The following TBL1X variants were observed in gnomAD, a reference collection of about 807,000 sequenced individuals.
TBL1X encodes transducin beta like 1 X-linked, also known as F-box-like/WD repeat-containing protein TBL1X.
Under a neutral mutation model 50.7 loss-of-function variants are expected in TBL1X, and 10 were observed. That is an observed-to-expected ratio of 0.20 (90% CI 0.12 to 0.33). TBL1X has a LOEUF of 0.33. Ranked by LOEUF, TBL1X falls within the 10% of genes least tolerant of loss-of-function variation. The pLI, the probability that TBL1X is intolerant of heterozygous loss-of-function variation, is 1.00. For missense variants in TBL1X, 340 were observed against 504.4 expected (o/e 0.67, Z 3.12); for synonymous variants, 190 against 214.7 (o/e 0.88, Z 1.01).
chrX:9,515,222 TTTCTC>T (rs2082076085), intron 2 of TBL1X, among the ~76,000 whole-genome samples: 1 of 111,763 alleles, frequency 8.9e-6, no homozygotes, highest in African/African-American at 3.2e-5. Context: ...TAAAACAACT[TTTCTC>T]TCTCAAGTGA....
chrX:9,506,461 G>A (rs969112527), intron 2 of TBL1X, among the ~76,000 whole-genome samples: 4 of 111,312 alleles, frequency 3.6e-5, no homozygotes, highest in Admixed American at 9.6e-5. Flanking sequence ...GAGAAGAATC[G>A]AAGGCGATAG....
At chrX:9,714,862 C>T (rs760080145) in intron 16 of TBL1X, 40 bp from the exon 17 acceptor site, 7 of 1,157,250 alleles carry the variant, frequency 6.0e-6, no homozygotes, top group South Asian at 1.9e-5. Flanking sequence ...CTGTCGCAGG[C>T]GCCCCTTGCG....
In TBL1X at chrX:9,652,494, T is replaced by C. The variant is rs144915274; in HGVS notation, c.-42-1051T>C. Among the ~76,000 whole-genome samples, 50 of 112,402 alleles carry C rather than the reference T, an allele frequency of 4.4e-4. No individual in the cohort carries two copies. The East Asian group carries it at 7.8e-3, about 18-fold the overall frequency. The stretch of plus-strand genomic sequence containing the variant: ...CAATCCTCATTCAACAATGAAAGTT[T>C]TGCTGCCTGTAAAGATACTTGCAAA... On this transcript the variant is annotated intron_variant, in intron 3 of 17. Transcript: ENST00000645353.
chrX:9,686,082 G>A (rs1420224313), intron 6 of TBL1X, among the ~76,000 whole-genome samples: 3 of 111,103 alleles, frequency 2.7e-5, no homozygotes, highest in East Asian at 2.8e-4. Flanking sequence ...TCGAAACTCC[G>A]GTGTTTTTTC....
intron 2 of TBL1X, among the ~76,000 whole-genome samples, chrX:9,531,453 C>T (rs761330520): frequency 1.0e-5 from 1 of 97,144 alleles, no homozygotes. Context: ...ATAAATATTT[C>T]TTGGTTGATT....
At chrX:9,661,534 GA>G (rs1393410573) in intron 5 of TBL1X, among the ~76,000 whole-genome samples, 1 of 111,243 alleles carries the variant, frequency 9.0e-6, no homozygotes, top group Non-Finnish European at 1.9e-5. Flanking sequence ...GAAAAAAAAA[GA>G]AAGAGTCTTG....
intron 2 of TBL1X, among the ~76,000 whole-genome samples, chrX:9,579,504 C>A (rs1304445262): frequency 8.9e-6 from 1 of 111,905 alleles, no homozygotes; most frequent in East Asian, 2.8e-4. Context: ...AGAAAGGATT[C>A]AAAAGCATGC....
At chrX:9,599,551 T>G (rs1333759887) in intron 2 of TBL1X, among the ~76,000 whole-genome samples, 1 of 111,940 alleles carries the variant, frequency 8.9e-6, no homozygotes, top group Non-Finnish European at 1.9e-5. Flanking sequence ...AGCAGATAGA[T>G]TGCCTTGGCA....
chrX:9,685,725 T>TC (rs1230347525), intron 6 of TBL1X, among the ~76,000 whole-genome samples: 1 of 94,405 alleles, frequency 1.1e-5, no homozygotes, highest in Non-Finnish European at 2.1e-5. Flanking sequence ...TTCTTTTTTT[T>TC]TTTTTTTTTT....
intron 2 of TBL1X, among the ~76,000 whole-genome samples, chrX:9,520,667 G>A (rs934130512): frequency 9.0e-6 from 1 of 111,725 alleles, no homozygotes; most frequent in Non-Finnish European, 1.9e-5. Flanking sequence ...AAAGATGGGG[G>A]TATTGGGGGA....
chrX:9,489,206 G>A (rs967871132), intron 1 of TBL1X, among the ~76,000 whole-genome samples: 5 of 110,143 alleles, frequency 4.5e-5, no homozygotes, highest in Admixed American at 9.8e-5. Flanking sequence ...CATGAAGCAA[G>A]CAGAGGTAGC....
chrX:9,679,038 T>C (rs1410113256), intron 5 of TBL1X, among the ~76,000 whole-genome samples: 1 of 109,672 alleles, frequency 9.1e-6, no homozygotes, highest in Non-Finnish European at 1.9e-5. Flanking sequence ...CTCTTTTTTT[T>C]CTCCCTGGGA....
At chrX:9,604,697 G>A (rs1223515970) in intron 2 of TBL1X, among the ~76,000 whole-genome samples, 1 of 110,955 alleles carries the variant, frequency 9.0e-6, no homozygotes, top group African/African-American at 3.3e-5. Flanking sequence ...GTTCCGCTTG[G>A]GATGTTGGCC....
chrX:9,574,999 G>A (rs867494022), intron 2 of TBL1X, among the ~76,000 whole-genome samples: 1 of 111,420 alleles, frequency 9.0e-6, no homozygotes, highest in African/African-American at 3.3e-5. Context: ...CTGTTTTCAC[G>A]CTGCTATAAG....
In TBL1X at chrX:9,684,192, C is replaced by A; in HGVS notation, c.357+4C>A. The A allele has an allele frequency of 2.5e-6, 3 of 1,211,529 alleles. No individual in the cohort carries two copies. The highest frequency in any genetic ancestry group is 3.4e-6 in the Non-Finnish European group (3 of 895,296). On this transcript the variant is annotated splice_donor_region_variant and intron_variant, in intron 6 of 17. Transcript: ENST00000645353. ...GGCCGAGATCAGTATCAACGAGGTA[C>A]GTAGCTGCTGGGCCCGGCCCCCAAA...
chrX:9,526,916 G>A lies in TBL1X; in HGVS notation c.-131+25067G>A, dbSNP rs992218313. Among the ~76,000 whole-genome samples the A allele has an allele frequency of 8.1e-5, 9 of 111,641 alleles. No homozygotes were observed. In the South Asian group the frequency reaches 1.5e-3, roughly 19 times the overall value. On this transcript the variant is annotated intron_variant, in intron 2 of 17. Coordinates refer to ENST00000645353, the MANE Select transcript of TBL1X (RefSeq NM_005647.4). ...GAAAGCAGCCACAGACACACCAAAG[G>A]GGGGAGTCAGTCCCCTGTCATGGGA...
At chrX:9,528,869 G>T (rs1459690550) in intron 2 of TBL1X, among the ~76,000 whole-genome samples, 1 of 110,366 alleles carries the variant, frequency 9.1e-6, no homozygotes, top group African/African-American at 3.3e-5. Context: ...CATTCACTGG[G>T]GCCTGGCTTT....
chrX:9,629,224 T>G (rs1403276098), intron 2 of TBL1X, among the ~76,000 whole-genome samples: 1 of 113,101 alleles, frequency 8.8e-6, no homozygotes. Flanking sequence ...ACAGGCCAAC[T>G]GGCTTGCAGC....
chrX:9,532,093 A>C (rs894586349), intron 2 of TBL1X, among the ~76,000 whole-genome samples: 2 of 111,538 alleles, frequency 1.8e-5, no homozygotes, highest in African/African-American at 6.5e-5. Flanking sequence ...GAGGAGAAGT[A>C]GATCTGGCCA....
Sources: allele counts gnomAD v4.1 joint callset (sites outside exome capture counted in the v4.1 genomes callset), GRCh38; gene constraint gnomAD v4.1.1; transcripts MANE v1.5; gene names NCBI Gene and HGNC (gene_info 2026-07-23, HGNC 2026-07-21).